HCRTR2: variants seen among roughly 807,000 people sequenced by gnomAD.
HCRTR2 encodes the protein hypocretin receptor 2, also known as orexin receptor type 2.
In HCRTR2, 22 loss-of-function variants were observed where a neutral mutation model predicts 49.0. The ratio of observed to expected loss-of-function variants is 0.45; its 90% confidence interval spans 0.32 to 0.64. The LOEUF (loss-of-function observed/expected upper bound fraction) is 0.64, where lower values mean the gene tolerates loss of function less well. Among genes scored for constraint, HCRTR2 ranks in the 30% least tolerant of loss-of-function variants. The pLI, the probability that HCRTR2 is intolerant of heterozygous loss-of-function variation, is 0.04. For missense variants in HCRTR2, 491 were observed against 559.4 expected (o/e 0.88, Z 1.23); for synonymous variants, 236 against 205.3 (o/e 1.15, Z -1.28).
chr6:55,182,768 T>G (rs1448547448), intron 1 of HCRTR2, among the ~76,000 whole-genome samples: 1 of 152,228 alleles, frequency 6.6e-6, no homozygotes, highest in African/African-American at 2.4e-5. Flanking sequence ...AGAAGTATAC[T>G]GGCTCTTAAC....
chr6:55,262,495 T>G (rs1168649426), intron 3 of HCRTR2, among the ~76,000 whole-genome samples: 1 of 131,044 alleles, frequency 7.6e-6, no homozygotes, highest in East Asian at 2.1e-4. Flanking sequence ...AACTTATTAT[T>G]ATATATTATA....
intron 1 of HCRTR2, among the ~76,000 whole-genome samples, chr6:55,221,493 A>C (rs1488615824): frequency 1.3e-5 from 2 of 152,182 alleles, no homozygotes; most frequent in African/African-American, 4.8e-5. Flanking sequence ...GACCCTACTC[A>C]AAAAATCAAG....
At chr6:55,123,812 T>C (rs75796659) in intron 1 of HCRTR2, among the ~76,000 whole-genome samples, 3 of 152,180 alleles carry the variant, frequency 2.0e-5, no homozygotes, top group Non-Finnish European at 2.9e-5. Flanking sequence ...GAACTTGTAA[T>C]TGGTCTATTC....
At chr6:55,111,574 T>C (rs573506979) in intron 1 of HCRTR2, among the ~76,000 whole-genome samples, 9 of 151,974 alleles carry the variant, frequency 5.9e-5, no homozygotes, top group South Asian at 2.1e-4. Flanking sequence ...TTCCTGGAAA[T>C]ATACAAGCTC....
chr6:55,249,565 C>T (rs964010264), intron 2 of HCRTR2, among the ~76,000 whole-genome samples: 5 of 152,074 alleles, frequency 3.3e-5, no homozygotes, highest in African/African-American at 4.8e-5. Context: ...AAGAGATGAT[C>T]TTATAAAAAC....
intron 1 of HCRTR2, among the ~76,000 whole-genome samples, chr6:55,226,926 A>T (rs142984128): frequency 3.9e-5 from 6 of 152,098 alleles, no homozygotes; most frequent in African/African-American, 1.4e-4. Flanking sequence ...TGAAAACAGG[A>T]TATGAAGATT....
At chr6:55,182,046 C>A (rs1765142662) in intron 1 of HCRTR2, among the ~76,000 whole-genome samples, 2 of 152,176 alleles carry the variant, frequency 1.3e-5, no homozygotes, top group South Asian at 4.1e-4. Flanking sequence ...AGCAAACAAA[C>A]CCTGAATTTT....
At chr6:55,255,857 G>T (rs1177475276) in intron 3 of HCRTR2, among the ~76,000 whole-genome samples, 1 of 152,154 alleles carries the variant, frequency 6.6e-6, no homozygotes, top group Non-Finnish European at 1.5e-5. Flanking sequence ...CATGGCCAGA[G>T]TCAGCATGTG....
chr6:55,110,156 C>CTAAT (rs1764029579), intron 1 of HCRTR2, among the ~76,000 whole-genome samples: 1 of 152,076 alleles, frequency 6.6e-6, no homozygotes. Flanking sequence ...CTTTTCCAGA[C>CTAAT]TAATAAATGC....
intron 1 of HCRTR2, among the ~76,000 whole-genome samples, chr6:55,129,255 T>G (rs529766371): frequency 6.6e-6 from 1 of 152,148 alleles, no homozygotes; most frequent in African/African-American, 2.4e-5. Context: ...AAATGTTGAC[T>G]AATCATATCC....
intron 1 of HCRTR2, among the ~76,000 whole-genome samples, chr6:55,212,698 T>G (rs1393922349): frequency 6.6e-6 from 1 of 152,164 alleles, no homozygotes. Flanking sequence ...CTGAGTCTGT[T>G]TTACTCCACA....
chr6:55,157,548 C>T (rs1229195001), intron 1 of HCRTR2, among the ~76,000 whole-genome samples: 1 of 152,166 alleles, frequency 6.6e-6, no homozygotes, highest in Non-Finnish European at 1.5e-5. Flanking sequence ...CAGGTGGTAG[C>T]CAGATAGCAG....
intron 1 of HCRTR2, among the ~76,000 whole-genome samples, chr6:55,140,498 G>A (rs966600577): frequency 6.6e-6 from 1 of 152,160 alleles, no homozygotes; most frequent in Non-Finnish European, 1.5e-5. Context: ...GTGAGGAAGG[G>A]TAAAAGGAGA....
At chr6:55,134,870 A>G (rs1476791379) in intron 1 of HCRTR2, among the ~76,000 whole-genome samples, 1 of 151,902 alleles carries the variant, frequency 6.6e-6, no homozygotes, top group Non-Finnish European at 1.5e-5. Flanking sequence ...TGTGTATATG[A>G]AATATTTTCT....
chr6:55,107,978 T>A (rs549747754), intron 1 of HCRTR2, among the ~76,000 whole-genome samples: 7 of 152,246 alleles, frequency 4.6e-5, no homozygotes, highest in Admixed American at 3.9e-4. Context: ...CACCTATCCA[T>A]ACTTTTGGTT....
chr6:55,137,789 T>A (rs941696023), intron 1 of HCRTR2, among the ~76,000 whole-genome samples: 1 of 152,226 alleles, frequency 6.6e-6, no homozygotes, highest in Non-Finnish European at 1.5e-5. Context: ...GAGCCACCAA[T>A]GTGATAGTTT....
At chr6:55,217,246 C>T (rs1017683526) in intron 1 of HCRTR2, among the ~76,000 whole-genome samples, 2 of 152,126 alleles carry the variant, frequency 1.3e-5, no homozygotes, top group South Asian at 4.1e-4. Context: ...CAAACATTCT[C>T]CTCATTGTCT....
chr6:55,113,858 A>T (rs1188758713), intron 1 of HCRTR2, among the ~76,000 whole-genome samples: 1 of 151,980 alleles, frequency 6.6e-6, no homozygotes, highest in Non-Finnish European at 1.5e-5. Context: ...TGTTTATGGC[A>T]GCACAATTCG....
intron 4 of HCRTR2, among the ~76,000 whole-genome samples, chr6:55,274,934 T>C (rs12111368): frequency 0.027 from 4,123 of 152,262 alleles, 205 homozygotes; most frequent in African/African-American, 0.092. Context: ...TACTGTTTGA[T>C]TGAATTCATT....
Sources: allele counts gnomAD v4.1 joint callset (sites outside exome capture counted in the v4.1 genomes callset), GRCh38; gene constraint gnomAD v4.1.1; transcripts MANE v1.5; gene names NCBI Gene and HGNC (gene_info 2026-07-23, HGNC 2026-07-21).